The following CYP20A1 variants were observed in gnomAD, a reference collection of about 807,000 sequenced individuals.
CYP20A1 encodes cytochrome P450 20A1.
CYP20A1 carries 61 observed loss-of-function variants against 61.4 expected under a neutral mutation model. That is an observed-to-expected ratio of 0.99 (90% confidence interval 0.81 to 1.23). CYP20A1 has a LOEUF of 1.23. CYP20A1 is among the 50% of genes most tolerant of loss of function. CYP20A1 has a pLI of 0.00. For missense variants in CYP20A1, 530 were observed against 542.4 expected (o/e 0.98, Z 0.23); for synonymous variants, 193 against 188.2 (o/e 1.03, Z -0.21).
At chr2:203,239,628 A>T (rs569360687) in intron 1 of CYP20A1, among the ~76,000 whole-genome samples, 9 of 152,216 alleles carry the variant, frequency 5.9e-5, no homozygotes, top group African/African-American at 2.2e-4. Context: ...ACTGGAATCC[A>T]AAGTGCTCGA....
Position 203,303,960 on chromosome 2 carries a change from C to T in CYP20A1, c.*7052C>T, listed in dbSNP as rs924318374. 1.3e-5 allele frequency among the ~76,000 whole-genome samples: 2 copies of T among 151,992 alleles called. No individual in the cohort carries two copies. Among genetic ancestry groups the T allele is most frequent in the Non-Finnish European group, 2.9e-5 (2 of 68,010 alleles). Reference sequence around the variant, plus strand: ...TTTTGGCTGGTGCCGTGGCTCACACCTGTAATCCCAGCACTTTGGGAGTCC... The same window carrying T: ...TTTTGGCTGGTGCCGTGGCTCACACTTGTAATCCCAGCACTTTGGGAGTCC... On this transcript the variant is annotated 3_prime_UTR_variant, in exon 13 of 13. Transcript: ENST00000356079.
chr2:203,239,187 T>A, intron 1 of CYP20A1, 53 bp downstream of exon 1: 1 of 1,493,156 alleles, frequency 6.7e-7, no homozygotes, highest in Non-Finnish European at 9.3e-7. Context: ...AGTCTCTCTG[T>A]CGCCGGCATC....
At chr2:203,285,851 A>G in intron 9 of CYP20A1, 119 bp downstream of exon 9, 2 of 882,464 alleles carry the variant, frequency 2.3e-6, no homozygotes, top group Non-Finnish European at 3.2e-6. Flanking sequence ...TAAAGTATTT[A>G]TATGTAGATT....
chr2:203,252,011 T>A lies in CYP20A1; in HGVS notation c.334T>A (p.Ser112Thr). 1 of 1,609,974 alleles carries A rather than the reference T, an allele frequency of 6.2e-7. No homozygotes were observed. The highest frequency in any genetic ancestry group is 8.5e-7 in the Non-Finnish European group (1 of 1,177,924). The change falls in exon 4 of 13, where the codon TCT becomes ACT. Residue 112 changes from serine (S) to threonine (T), a missense_variant. Transcript: ENST00000356079. ...TMLKSLLRYQSGGGSVSENHM... is the reference protein window; with the variant it reads ...TMLKSLLRYQTGGGSVSENHM... ...GCTGAAGTCATTATTAAGGTATCAA[T>A]CTGGTGGTGGCAGTGTGAGTGAAAA...
rs571532263 is a variant in CYP20A1, at chr2:203,274,346, C to T, written c.679+1598C>T. 6.6e-5 allele frequency among the ~76,000 whole-genome samples: 10 copies of T among 151,980 alleles called. No homozygotes were observed. In the South Asian group the frequency reaches 1.0e-3, roughly 16 times the overall value. On this transcript the variant is annotated intron_variant, in intron 6 of 12. Coordinates refer to ENST00000356079, the MANE Select transcript of CYP20A1 (RefSeq NM_177538.3). ...GATTACAAGCGCCTGCCACCATGCC[C>T]GGCTCATTTTTGTATTTTCAGTAGA...
chr2:203,250,779 G>A (rs1412476834), intron 3 of CYP20A1, among the ~76,000 whole-genome samples: 1 of 152,108 alleles, frequency 6.6e-6, no homozygotes, highest in Non-Finnish European at 1.5e-5. Context: ...AATGATAACA[G>A]CTAGGCCGGG....
chr2:203,250,145 T>A (rs560030176), intron 3 of CYP20A1, among the ~76,000 whole-genome samples: 213 of 152,244 alleles, frequency 1.4e-3, no homozygotes, highest in African/African-American at 4.8e-3. Flanking sequence ...TCATCACAGA[T>A]GTGAGAAAAT....
intron 9 of CYP20A1, 90 bp from the exon 10 acceptor site, chr2:203,289,675 A>G: frequency 1.8e-6 from 1 of 553,446 alleles, no homozygotes; most frequent in African/African-American, 1.9e-5. Flanking sequence ...GGAATGTTTG[A>G]GCAGTTGTTG....
rs916648893 is a variant in CYP20A1, at chr2:203,301,518, A to T, written c.*4610A>T. ...ACTCCTAGGCTCAAGCGATCCTCCC[A>T]CCTGGGCCTCCCAAAGTGTTGAGAT... On this transcript the variant is annotated 3_prime_UTR_variant, in exon 13 of 13. Transcript: ENST00000356079. 6.6e-6 allele frequency among the ~76,000 whole-genome samples: 1 copy of T among 151,816 alleles called. No individual in the cohort carries two copies. Among genetic ancestry groups the T allele is most frequent in the Non-Finnish European group, 1.5e-5 (1 of 67,944 alleles).
At chr2:203,247,475 T>C (rs1007516435) in intron 3 of CYP20A1, among the ~76,000 whole-genome samples, 2 of 152,074 alleles carry the variant, frequency 1.3e-5, no homozygotes, top group African/African-American at 2.4e-5. Context: ...TCCAACAGGA[T>C]TTTTTTGGGA....
intron 6 of CYP20A1, among the ~76,000 whole-genome samples, chr2:203,273,565 T>C (rs1240355638): frequency 2.0e-5 from 3 of 152,166 alleles, no homozygotes; most frequent in Non-Finnish European, 2.9e-5. Flanking sequence ...CTTGGGAGGC[T>C]GAGATGAGAG....
In CYP20A1 at chr2:203,271,762, G is replaced by A. The variant is rs370199368; in HGVS notation, c.601-908G>A. On this transcript the variant is annotated intron_variant, in intron 5 of 12. Transcript: ENST00000356079. ...TATAATACAAAAATGAGGGCTGGGC[G>A]CAGTGGTTCACACATGTAATCCCAG... Among the ~76,000 whole-genome samples the A allele has an allele frequency of 1.2e-4, 19 of 152,270 alleles. No individual in the cohort carries two copies. The East Asian group carries it at 1.7e-3, about 14-fold the overall frequency.
At chr2:203,247,496 A>G (rs1035998718) in intron 3 of CYP20A1, among the ~76,000 whole-genome samples, 1 of 152,136 alleles carries the variant, frequency 6.6e-6, no homozygotes, top group Non-Finnish European at 1.5e-5. Context: ...CCCTGAAAAA[A>G]TAGTTCCAAG....
Position 203,239,026 on chromosome 2 carries a change from G to T in CYP20A1, c.-37G>T, listed in dbSNP as rs769593097. 1.1e-5 allele frequency: 17 copies of T among 1,592,116 alleles called. No individual in the cohort carries two copies. The highest frequency in any genetic ancestry group is 5.5e-5 in the South Asian group (5 of 90,650). ...CAGGCTGAGGCGCTGCTGCTGGAGC[G>T]GCCGATCCGAGACGTGGCTCCCTGG... On this transcript the variant is annotated 5_prime_UTR_variant, in exon 1 of 13. Coordinates refer to ENST00000356079, the MANE Select transcript of CYP20A1 (RefSeq NM_177538.3).
intron 8 of CYP20A1, among the ~76,000 whole-genome samples, chr2:203,281,093 G>T (rs2068023921): frequency 6.6e-6 from 1 of 152,156 alleles, no homozygotes; most frequent in Non-Finnish European, 1.5e-5. Context: ...TAAAATATTT[G>T]ATATGTTTCT....
chr2:203,260,414 G>A (rs2067090982), intron 4 of CYP20A1, among the ~76,000 whole-genome samples: 1 of 151,884 alleles, frequency 6.6e-6, no homozygotes, highest in South Asian at 2.1e-4. Context: ...TAGAGACGGA[G>A]TTTCACCATG....
chr2:203,283,900 CTG>C (rs1343415668), intron 8 of CYP20A1, among the ~76,000 whole-genome samples: 9 of 152,120 alleles, frequency 5.9e-5, no homozygotes, highest in African/African-American at 2.2e-4. Context: ...GGATTGACCA[CTG>C]TGTGCAAATC....
At chr2:203,292,833 T>C (rs1397708415) in intron 11 of CYP20A1, among the ~76,000 whole-genome samples, 1 of 152,154 alleles carries the variant, frequency 6.6e-6, no homozygotes, top group Admixed American at 6.5e-5. Context: ...TTTGTCTCTT[T>C]TATTACCACT....
chr2:203,290,190 C>T (rs2068476025), intron 10 of CYP20A1, among the ~76,000 whole-genome samples: 1 of 152,132 alleles, frequency 6.6e-6, no homozygotes. Flanking sequence ...ATCTGCCAAC[C>T]TTGGCCTCCC....
Sources: gnomAD v4.1 joint callset for allele counts (sites outside exome capture counted in the v4.1 genomes callset) on GRCh38, gnomAD v4.1.1 for gene constraint, MANE v1.5 for transcripts, NCBI Gene and HGNC (gene_info 2026-07-23, HGNC 2026-07-21) for gene names.